The following NRXN3 variants were observed in gnomAD, a reference collection of about 807,000 sequenced individuals.
NRXN3 encodes the protein neurexin 3.
A neutral mutation model predicts 137.6 loss-of-function variants in NRXN3; 32 were observed. The observed-to-expected ratio is 0.23, with a 90% confidence interval of 0.18 to 0.31. The LOEUF (loss-of-function observed/expected upper bound fraction) is 0.31. Among genes scored for constraint, NRXN3 ranks in the 10% least tolerant of loss-of-function variants. The pLI is 1.00. For synonymous variants in NRXN3, 798 were observed against 784.5 expected (o/e 1.02, Z -0.29); for missense variants, 1,574 against 2,062.5 (o/e 0.76, Z 4.59).
chr14:78,777,500 T>C (rs151262349), intron 8 of NRXN3, among the ~76,000 whole-genome samples: 128 of 152,308 alleles, frequency 8.4e-4, no homozygotes, highest in Non-Finnish European at 1.6e-3. Context: ...ATAACATGTA[T>C]TCATCAGCCA....
At chr14:79,047,745 C>T (rs1339120300) in intron 15 of NRXN3, among the ~76,000 whole-genome samples, 1 of 151,978 alleles carries the variant, frequency 6.6e-6, no homozygotes. Flanking sequence ...CATTTTATAC[C>T]AACTAAAATA....
In NRXN3 at chr14:78,235,012, A is replaced by ATATATATGTG. The variant is rs1567037399; in HGVS notation, c.-703-7372_-703-7371insGTGTATATAT. On this transcript the variant is annotated intron_variant, in intron 1 of 20. Coordinates refer to ENST00000335750, the MANE Select transcript of NRXN3 (RefSeq NM_001330195.2). ...AATGCTTTTATATATATATATATAT[A>ATATATATGTG]TATATATATATGTGTATATATATAT... Among the ~76,000 whole-genome samples the ATATATATGTG allele has an allele frequency of 1.8e-4, 18 of 99,180 alleles. 1 individual carries two copies. The highest frequency in any genetic ancestry group is 8.7e-4 in the East Asian group (3 of 3,440). 65.1% of individuals were successfully genotyped at this position (99,180 alleles called of 152,430 possible).
At chr14:78,387,035 C>G (rs1205260378) in intron 4 of NRXN3, among the ~76,000 whole-genome samples, 1 of 152,104 alleles carries the variant, frequency 6.6e-6, no homozygotes, top group Non-Finnish European at 1.5e-5. Flanking sequence ...CCCTCCTCGG[C>G]CTCCCAAAAT....
intron 4 of NRXN3, among the ~76,000 whole-genome samples, chr14:78,473,508 G>A (rs1052836483): frequency 2.0e-5 from 3 of 152,170 alleles, no homozygotes; most frequent in African/African-American, 7.2e-5. Context: ...TACCTGCTGA[G>A]TTATGGCCAC....
intron 10 of NRXN3, among the ~76,000 whole-genome samples, chr14:78,879,440 G>A (rs553464115): frequency 9.2e-5 from 14 of 152,148 alleles, no homozygotes; most frequent in Admixed American, 4.6e-4. Flanking sequence ...GTGATATTTC[G>A]TTGTGGTTTT....
intron 10 of NRXN3, among the ~76,000 whole-genome samples, chr14:78,868,144 C>T (rs1008538667): frequency 6.6e-6 from 1 of 151,394 alleles, no homozygotes; most frequent in Non-Finnish European, 1.5e-5. Flanking sequence ...GGAGCCTTAT[C>T]CAGGAACCTT....
At chr14:79,101,425 C>T (rs917387516) in intron 15 of NRXN3, among the ~76,000 whole-genome samples, 1 of 152,152 alleles carries the variant, frequency 6.6e-6, no homozygotes, top group Admixed American at 6.6e-5. Flanking sequence ...TATGGTTCCC[C>T]AGCTAGCCAC....
At position 78,709,627 on chromosome 14, in the gene NRXN3, T is replaced by A; in HGVS notation, c.1632T>A (p.His544Gln). The A allele has an allele frequency of 6.2e-7, 1 of 1,612,926 alleles. No homozygotes were observed. Among genetic ancestry groups the A allele is most frequent in the Non-Finnish European group, 8.5e-7 (1 of 1,179,640 alleles). ...AAGCCAATGATGGGGAATGGTACCA[T>A]GTGGACATTCAGCGAGATGGCAGAT... ...QKKANDGEWYHVDIQRDGRSG... is the reference protein window; with the variant it reads ...QKKANDGEWYQVDIQRDGRSG... Residue 544 changes from histidine (H) to glutamine (Q), a missense_variant, in exon 7 of 21, where the codon CAT (histidine) becomes CAA (glutamine). By Grantham distance (24) the His-to-Gln change is conservative. Coordinates refer to ENST00000335750, the MANE Select transcript of NRXN3 (RefSeq NM_001330195.2).
intron 16 of NRXN3, among the ~76,000 whole-genome samples, chr14:79,616,306 G>T (rs1292676991): frequency 6.6e-6 from 1 of 152,046 alleles, no homozygotes; most frequent in Non-Finnish European, 1.5e-5. Context: ...GATATGTGTG[G>T]GAAATCTTTA....
intron 15 of NRXN3, among the ~76,000 whole-genome samples, chr14:79,223,666 C>T (rs2070256880): frequency 6.6e-6 from 1 of 152,076 alleles, no homozygotes; most frequent in Non-Finnish European, 1.5e-5. Context: ...GAAATAAATA[C>T]AGGAAAGCTG....
intron 15 of NRXN3, among the ~76,000 whole-genome samples, chr14:79,168,261 AC>A (rs1425385171): frequency 6.6e-6 from 1 of 152,082 alleles, no homozygotes; most frequent in Non-Finnish European, 1.5e-5. Context: ...TTCTAGTACT[AC>A]AAAATGGCTT....
chr14:79,620,339 A>ATGG, intron 16 of NRXN3, among the ~76,000 whole-genome samples: 1 of 152,270 alleles, frequency 6.6e-6, no homozygotes, highest in East Asian at 1.9e-4. Flanking sequence ...TTTTGATGTC[A>ATGG]AGTACTTGTC....
intron 16 of NRXN3, among the ~76,000 whole-genome samples, chr14:79,575,800 C>A (rs1459056354): frequency 3.3e-5 from 5 of 152,080 alleles, no homozygotes; most frequent in African/African-American, 1.2e-4. Flanking sequence ...GAGGGTGCTC[C>A]TGTTTTTCAT....
chr14:79,518,187 G>A (rs1161772565), intron 16 of NRXN3, among the ~76,000 whole-genome samples: 1 of 151,910 alleles, frequency 6.6e-6, no homozygotes, highest in African/African-American at 2.4e-5. Context: ...TTACAGGCGT[G>A]AGCCACGGCA....
intron 4 of NRXN3, among the ~76,000 whole-genome samples, chr14:78,379,575 A>C (rs1049544289): frequency 1.3e-5 from 2 of 152,220 alleles, no homozygotes; most frequent in African/African-American, 4.8e-5. Flanking sequence ...TTATGATAAA[A>C]ACTCTCAGAA....
chr14:79,418,682 C>T (rs1452248235), intron 15 of NRXN3, among the ~76,000 whole-genome samples: 1 of 152,146 alleles, frequency 6.6e-6, no homozygotes, highest in Non-Finnish European at 1.5e-5. Flanking sequence ...AGAGCCTATA[C>T]TCTTAAGAAG....
At chr14:78,276,350 T>G (rs527567954) in intron 2 of NRXN3, among the ~76,000 whole-genome samples, 1 of 152,124 alleles carries the variant, frequency 6.6e-6, no homozygotes, top group Non-Finnish European at 1.5e-5. Context: ...CAGATGTCCT[T>G]ATTCATAAGT....
chr14:79,124,694 C>T (rs888749777), intron 15 of NRXN3, among the ~76,000 whole-genome samples: 14 of 152,160 alleles, frequency 9.2e-5, no homozygotes, highest in Admixed American at 9.2e-4. Context: ...ATCACCTTAA[C>T]ATGTTTTCTG....
At chr14:78,470,465 A>T (rs892760243) in intron 4 of NRXN3, among the ~76,000 whole-genome samples, 2 of 151,214 alleles carry the variant, frequency 1.3e-5, no homozygotes, top group African/African-American at 4.9e-5. Context: ...TTTGCTCCAT[A>T]ATCCTCGTCA....
Sources: allele counts gnomAD v4.1 joint callset (sites outside exome capture counted in the v4.1 genomes callset), GRCh38; gene constraint gnomAD v4.1.1; transcripts MANE v1.5; gene names NCBI Gene and HGNC (gene_info 2026-07-23, HGNC 2026-07-21).